Variants in LRP1B observed in about 807,000 individuals in gnomAD.
LRP1B encodes low-density lipoprotein receptor-related protein 1B.
In LRP1B, 217 loss-of-function variants were observed where a neutral mutation model predicts 556.6. The observed-to-expected ratio is 0.39, with a 90% CI of 0.35 to 0.44. The LOEUF (loss-of-function observed/expected upper bound fraction) is 0.44, where lower values mean the gene tolerates loss of function less well. LRP1B is among the 20% of genes least tolerant of loss of function. LRP1B has a pLI of 1.00. For synonymous variants in LRP1B, 2,047 were observed against 1,865.8 expected (o/e 1.10, Z -2.50); for missense variants, 5,053 against 5,620.8 (o/e 0.90, Z 3.23).
chr2:140,865,774 T>C (rs1362168966), intron 27 of LRP1B, among the ~76,000 whole-genome samples: 1 of 152,082 alleles, frequency 6.6e-6, no homozygotes, highest in East Asian at 1.9e-4. Context: ...CATAGTAAAA[T>C]CTTGCTTATT....
chr2:140,522,571 G>A (rs1690228151), intron 49 of LRP1B, among the ~76,000 whole-genome samples: 1 of 151,624 alleles, frequency 6.6e-6, no homozygotes, highest in Non-Finnish European at 1.5e-5. Flanking sequence ...TAAAATCAGA[G>A]CAGAAGAAAA....
chr2:141,213,318 AAAC>A (rs1682649512), intron 6 of LRP1B, among the ~76,000 whole-genome samples: 1 of 152,162 alleles, frequency 6.6e-6, no homozygotes, highest in African/African-American at 2.4e-5. Context: ...AGATTAATAA[AAAC>A]AAGTAAGATA....
intron 43 of LRP1B, among the ~76,000 whole-genome samples, chr2:140,592,354 A>T (rs1051454842): frequency 1.9e-4 from 29 of 152,178 alleles, no homozygotes; most frequent in Non-Finnish European, 5.9e-5. Context: ...CTGTGAAATA[A>T]TACTGGTTTA....
intron 41 of LRP1B, among the ~76,000 whole-genome samples, chr2:140,674,700 GT>G (rs1353493345): frequency 2.0e-5 from 3 of 152,186 alleles, no homozygotes; most frequent in African/African-American, 7.2e-5. Context: ...TTGGGCACGT[GT>G]TCTCAGGACC....
At chr2:140,852,258 C>A (rs1692482181) in intron 27 of LRP1B, among the ~76,000 whole-genome samples, 1 of 152,096 alleles carries the variant, frequency 6.6e-6, no homozygotes. Context: ...ACCCGGGAGG[C>A]GGAGGTTGCA....
At chr2:141,629,219 T>C (rs1688817412) in intron 2 of LRP1B, among the ~76,000 whole-genome samples, 1 of 152,094 alleles carries the variant, frequency 6.6e-6, no homozygotes, top group South Asian at 2.1e-4. Flanking sequence ...CCACTTACTA[T>C]AGTAGTCATT....
intron 7 of LRP1B, among the ~76,000 whole-genome samples, chr2:141,173,950 A>T (rs1040208945): frequency 6.6e-6 from 1 of 152,016 alleles, no homozygotes; most frequent in African/African-American, 2.4e-5. Context: ...CACTATTTCA[A>T]CTGACTTCTC....
At chr2:141,122,586 A>AAT (rs1468808880) in intron 7 of LRP1B, among the ~76,000 whole-genome samples, 1 of 152,158 alleles carries the variant, frequency 6.6e-6, no homozygotes, top group Non-Finnish European at 1.5e-5. Context: ...CGATCATTAA[A>AAT]AAGTCAGGAA....
chr2:141,150,083 G>T (rs963116335), intron 7 of LRP1B, among the ~76,000 whole-genome samples: 2 of 152,136 alleles, frequency 1.3e-5, no homozygotes, highest in Non-Finnish European at 2.9e-5. Flanking sequence ...AGCAGTGGTG[G>T]TTATGAAGTG....
intron 11 of LRP1B, among the ~76,000 whole-genome samples, chr2:141,036,878 G>A (rs1418205305): frequency 6.6e-6 from 1 of 151,906 alleles, no homozygotes; most frequent in Middle Eastern, 3.2e-3. Flanking sequence ...GACAATTGCT[G>A]CCCTGGGGAT....
At chr2:140,457,434 T>C (rs1437005766) in intron 61 of LRP1B, 29 bp downstream of exon 61, 1 of 1,531,786 alleles carries the variant, frequency 6.5e-7, no homozygotes, top group East Asian at 2.3e-5. Flanking sequence ...TGTTAATGCA[T>C]TTATGGAAAT....
chr2:140,624,379 C>T (rs1344603252), intron 41 of LRP1B, among the ~76,000 whole-genome samples: 1 of 152,140 alleles, frequency 6.6e-6, no homozygotes, highest in Non-Finnish European at 1.5e-5. Context: ...GCACCACTCA[C>T]CAGTTTACCA....
At chr2:142,074,869 T>C (rs1398704741) in intron 1 of LRP1B, among the ~76,000 whole-genome samples, 1 of 152,138 alleles carries the variant, frequency 6.6e-6, no homozygotes, top group Non-Finnish European at 1.5e-5. Flanking sequence ...GGAAATGACC[T>C]TCTTCATCTA....
chr2:140,925,044 T>A (rs761520671), intron 20 of LRP1B, among the ~76,000 whole-genome samples: 3 of 152,074 alleles, frequency 2.0e-5, no homozygotes, highest in African/African-American at 4.8e-5. Flanking sequence ...TATAACTATA[T>A]CATATTTACA....
chr2:140,779,060 A>T (rs1007076622), intron 32 of LRP1B, among the ~76,000 whole-genome samples: 2 of 148,200 alleles, frequency 1.3e-5, no homozygotes, highest in African/African-American at 2.5e-5. Flanking sequence ...CATCTAAAAA[A>T]CTCTTAGGGA....
intron 85 of LRP1B, among the ~76,000 whole-genome samples, chr2:140,271,383 G>A (rs1052304534): frequency 1.3e-5 from 2 of 151,854 alleles, no homozygotes; most frequent in Admixed American, 6.6e-5. Flanking sequence ...CTACAATATC[G>A]ATTGATCACT....
Position 140,350,875 on chromosome 2 carries a change from A to G in LRP1B, c.11814T>C (p.Ser3938=), listed in dbSNP as rs1348473242. 6.2e-7 allele frequency: 1 copy of G among 1,609,736 alleles called. No individual in the cohort carries two copies. The highest frequency in any genetic ancestry group is 8.5e-7 in the Non-Finnish European group (1 of 1,176,894). ...VYYQRDMIIW[S]TQFNPGGIFY... ...AAATTCCGCCTGGATTAAACTGAGT[A>G]CTCCAAATAATCATATCTCTTTGAT... is the stretch of plus-strand genomic sequence containing the variant. The change falls in exon 77 of 91, where the codon AGT becomes AGC. Residue 3938 remains serine (S), a synonymous_variant. Transcript: ENST00000389484.
intron 2 of LRP1B, among the ~76,000 whole-genome samples, chr2:141,544,341 T>TTCTTCTTCTTCTTCTCC (rs1685438538): frequency 1.4e-5 from 1 of 71,532 alleles, no homozygotes; most frequent in African/African-American, 6.1e-5. Flanking sequence ...CTTCTTCTTC[T>TTCTTCTTCTTCTTCTCC]TCTTCTTCTT....
intron 34 of LRP1B, 32 bp from the exon 35 acceptor site, chr2:140,769,376 G>A (rs770255218): frequency 1.9e-6 from 3 of 1,555,728 alleles, no homozygotes; most frequent in Non-Finnish European, 2.6e-6. Context: ...AGGGGGGGAA[G>A]GGAAGCCCAG....
Sources: gnomAD v4.1 joint callset for allele counts (sites outside exome capture counted in the v4.1 genomes callset) on GRCh38, gnomAD v4.1.1 for gene constraint, MANE v1.5 for transcripts, NCBI Gene and HGNC (gene_info 2026-07-23, HGNC 2026-07-21) for gene names.